Variants in NCS1 observed in about 807,000 individuals in gnomAD.
NCS1 encodes neuronal calcium sensor 1, also known as frequenin homolog.
Under a neutral mutation model 28.4 loss-of-function variants are expected in NCS1, and 6 were observed. The observed-to-expected ratio is 0.21, with a 90% CI of 0.12 to 0.42. NCS1 has a LOEUF of 0.42. NCS1 is among the 10% of genes least tolerant of loss of function. NCS1 has a pLI of 1.00. For synonymous variants in NCS1, 86 were observed against 99.3 expected (o/e 0.87, Z 0.79); for missense variants, 131 against 241.4 (o/e 0.54, Z 3.03).
chr9:130,206,647 T>C (rs1168664056), intron 2 of NCS1, among the ~76,000 whole-genome samples: 4 of 152,142 alleles, frequency 2.6e-5, no homozygotes, highest in African/African-American at 9.7e-5. Flanking sequence ...TGACCTCAGA[T>C]GATCCGCCCA....
intron 1 of NCS1, among the ~76,000 whole-genome samples, chr9:130,187,414 G>C (rs1053083805): frequency 2.0e-5 from 3 of 152,182 alleles, no homozygotes; most frequent in Non-Finnish European, 4.4e-5. Flanking sequence ...TAAAGGGCCA[G>C]AGCCGGAGTC....
chr9:130,190,315 G>A (rs1014650471), intron 1 of NCS1, among the ~76,000 whole-genome samples: 8 of 152,086 alleles, frequency 5.3e-5, no homozygotes, highest in Admixed American at 3.9e-4. Context: ...ACAAAAGCAG[G>A]CACTCACAGA....
intron 3 of NCS1, among the ~76,000 whole-genome samples, chr9:130,218,891 A>G (rs1250949603): frequency 6.6e-6 from 1 of 152,076 alleles, no homozygotes; most frequent in African/African-American, 2.4e-5. Flanking sequence ...TTGCCCGGCC[A>G]TACATGGATT....
chr9:130,222,627 T>C (rs1564714234), intron 4 of NCS1, 23 bp from the exon 5 acceptor site: 8 of 1,605,720 alleles, frequency 5.0e-6, no homozygotes, highest in Non-Finnish European at 6.8e-6. Context: ...CCAGGATCAC[T>C]CAGCAGTGCT....
At chr9:130,218,859 G>T (rs1352360421) in intron 3 of NCS1, among the ~76,000 whole-genome samples, 2 of 152,094 alleles carry the variant, frequency 1.3e-5, no homozygotes, top group African/African-American at 4.8e-5. Context: ...CCAAAGTGCT[G>T]GGATTTCAGG....
rs782528521 is a variant in NCS1 at position 130,191,987 on chromosome 9, C to T, written c.65-8971C>T. 1.3e-4 allele frequency among the ~76,000 whole-genome samples: 20 copies of T among 152,038 alleles called. No homozygotes were observed. Among genetic ancestry groups the T allele is most frequent in the Admixed American group, 2.0e-4 (3 of 15,272 alleles). On this transcript the variant is annotated intron_variant, in intron 1 of 7. Coordinates refer to ENST00000372398, the MANE Select transcript of NCS1 (RefSeq NM_014286.4). The surrounding 1 kb of genome is among the most constrained non-coding windows in gnomAD (Gnocchi z 6.4). ...GGCAGAAGGGCTGGGGAACGCGCGG[C>T]GAGTGGGTCAGGGCGAGGGGCTCCT...
In NCS1 at chr9:130,222,978, G is replaced by A. The variant is rs1454366544; in HGVS notation, c.397-104G>A. The A allele has an allele frequency of 1.4e-4, 122 of 897,616 alleles. 2 individuals carry two copies. Among genetic ancestry groups the A allele is most frequent in the East Asian group, 6.8e-4 (24 of 35,070 alleles). The allele number at this position is 897,616 out of a possible 1,614,324, so 55.6% of individuals were successfully genotyped here. A position where few individuals can be genotyped will look rare whatever the true frequency, so the allele number is the denominator to read the frequency against. On this transcript the variant is annotated intron_variant, in intron 5 of 7. Transcript: ENST00000372398. ...GGATGGGGAGGGGAAAGAAGAGGGG[G>A]GCGGCCCTCATCTGGAAACTGCCAG...
At chr9:130,218,046 C>T (rs1271433177) in intron 3 of NCS1, 76 bp downstream of exon 3, 1 of 1,574,038 alleles carries the variant, frequency 6.4e-7, no homozygotes, top group Non-Finnish European at 8.7e-7. Flanking sequence ...CACACCCACT[C>T]TCTCCTGCCG....
intron 1 of NCS1, among the ~76,000 whole-genome samples, chr9:130,185,989 G>C (rs999693323): frequency 7.9e-5 from 12 of 152,260 alleles, no homozygotes; most frequent in Non-Finnish European, 2.9e-5. Context: ...CTCAGGTTCT[G>C]TGGAGCTGGG....
intron 2 of NCS1, among the ~76,000 whole-genome samples, chr9:130,203,482 T>C (rs1482003699): frequency 6.6e-6 from 1 of 152,092 alleles, no homozygotes; most frequent in African/African-American, 2.4e-5. Context: ...AAGCTCAGCA[T>C]CTCCCAAGGA....
intron 1 of NCS1, among the ~76,000 whole-genome samples, chr9:130,199,922 T>TTCATTCAC (rs1832920007): frequency 6.6e-6 from 1 of 151,940 alleles, no homozygotes; most frequent in African/African-American, 2.4e-5. Context: ...CATTCATTCA[T>TTCATTCAC]TCATTCCACA....
chr9:130,212,772 G>C (rs548546189), intron 2 of NCS1, among the ~76,000 whole-genome samples: 33 of 152,138 alleles, frequency 2.2e-4, no homozygotes, highest in African/African-American at 7.7e-4. Context: ...TCTTGGGCAT[G>C]ATCTTCATCA....
Position 130,223,231 on chromosome 9 carries a change from G to A in NCS1, c.474+72G>A. ...TCGGGGGCAGGAATTGGAGTCCCTGGATCCTGGGCCTGGCTTTGCTGCCAA... is the reference window on the plus strand; with the variant it reads ...TCGGGGGCAGGAATTGGAGTCCCTGAATCCTGGGCCTGGCTTTGCTGCCAA... On this transcript the variant is annotated intron_variant, in intron 6 of 7. Transcript: ENST00000372398. 13 of 1,449,316 alleles carry A rather than the reference G, an allele frequency of 9.0e-6. No individual in the cohort carries two copies. In the South Asian group the frequency reaches 1.4e-4, roughly 16 times the overall value. The allele number at this position is 1,449,316 out of a possible 1,614,324, so 89.8% of individuals were successfully genotyped here. A position where few individuals can be genotyped will look rare whatever the true frequency, so the allele number is the denominator to read the frequency against.
At chr9:130,173,205 G>GGGT (rs1554904287) in intron 1 of NCS1, among the ~76,000 whole-genome samples, 6 of 151,888 alleles carry the variant, frequency 4.0e-5, no homozygotes, top group South Asian at 2.1e-4. Context: ...CGTGTGGGGG[G>GGGT]GGGGGTGGCG....
chr9:130,178,969 C>G (rs1190753062), intron 1 of NCS1, among the ~76,000 whole-genome samples: 1 of 137,486 alleles, frequency 7.3e-6, no homozygotes, highest in East Asian at 2.3e-4. Flanking sequence ...GAGTCTTACT[C>G]TGTCACCCAG....
In NCS1 at chr9:130,186,860, G is replaced by C. The variant is rs797022761; in HGVS notation, c.65-14098G>C. Among the ~76,000 whole-genome samples, 9 of 152,312 alleles carry C rather than the reference G, an allele frequency of 5.9e-5. No homozygotes were observed. The highest frequency in any genetic ancestry group is 4.1e-4 in the South Asian group (2 of 4,826). On this transcript the variant is annotated intron_variant, in intron 1 of 7. Coordinates refer to ENST00000372398, the MANE Select transcript of NCS1 (RefSeq NM_014286.4). The surrounding 1 kb of genome is among the most constrained non-coding windows in gnomAD (Gnocchi z 4.1). ...GCGGGAGGGCCCTGATGGCAGGAGG[G>C]CCCGTGCTGTGCTCAGCCTGGCTCC...
chr9:130,188,364 G>C (rs1180559451), intron 1 of NCS1, among the ~76,000 whole-genome samples: 1 of 151,590 alleles, frequency 6.6e-6, no homozygotes, highest in African/African-American at 2.4e-5. Context: ...CAGGGAGCAC[G>C]CCTGACCCCC....
intron 4 of NCS1, 148 bp from the exon 5 acceptor site, chr9:130,222,502 C>A: frequency 1.4e-6 from 1 of 701,388 alleles, no homozygotes. Context: ...CTGTCCCTGT[C>A]TATCCTGATG....
At chr9:130,220,046 G>C (rs1833254498) in intron 4 of NCS1, among the ~76,000 whole-genome samples, 1 of 152,222 alleles carries the variant, frequency 6.6e-6, no homozygotes, top group South Asian at 2.1e-4. Flanking sequence ...TGTGCTTCCA[G>C]GTGGGAGGGT....
Sources: gnomAD v4.1 joint callset for allele counts (sites outside exome capture counted in the v4.1 genomes callset) on GRCh38, gnomAD v4.1.1 for gene constraint, Gnocchi (gnomAD v3.1) non-coding constraint, MANE v1.5 for transcripts, NCBI Gene and HGNC (gene_info 2026-07-23, HGNC 2026-07-21) for gene names.